The following PRPSAP2 variants were observed in gnomAD, a reference collection of about 807,000 sequenced individuals.
PRPSAP2 encodes the protein phosphoribosyl pyrophosphate synthase-associated protein 2.
A neutral mutation model predicts 40.6 loss-of-function variants in PRPSAP2; 24 were observed. The ratio of observed to expected loss-of-function variants is 0.59; its 90% CI spans 0.43 to 0.83. PRPSAP2 has a LOEUF of 0.83. Ranked by LOEUF, PRPSAP2 falls within the 40% of genes least tolerant of loss-of-function variation. The probability of loss-of-function intolerance (pLI) is 0.00; values close to 1 mark genes in which losing one functional copy is unlikely to be tolerated. For missense variants in PRPSAP2, 292 were observed against 465.6 expected, an observed-to-expected ratio of 0.63 and a Z score of 3.43; for synonymous variants, 149 against 164.7, an observed-to-expected ratio of 0.90 and a Z score of 0.73.
chr17:18,909,539 C>T lies in PRPSAP2; in HGVS notation c.585-1564C>T, dbSNP rs186660710. Among the ~76,000 whole-genome samples, 255 of 152,098 alleles carry T rather than the reference C, an allele frequency of 1.7e-3. 1 individual carries two copies. Among genetic ancestry groups the T allele is most frequent in the African/African-American group, 5.9e-3 (245 of 41,512 alleles). The stretch of plus-strand genomic sequence containing the variant: ...GATTACAGGCGTGAGCCACTGCGCC[C>T]GGCCTATGTGGCCTTTTTATAAAGA... On this transcript the variant is annotated intron_variant, in intron 8 of 11. Coordinates refer to ENST00000268835, the MANE Select transcript of PRPSAP2 (RefSeq NM_002767.4).
chr17:18,894,452 C>G (rs927794953), intron 8 of PRPSAP2, among the ~76,000 whole-genome samples: 7 of 150,642 alleles, frequency 4.6e-5, no homozygotes, highest in Non-Finnish European at 5.9e-5. Flanking sequence ...ATCCACCATG[C>G]CCGGCCCTCT....
At chr17:18,921,476 C>A (rs1357816677) in intron 9 of PRPSAP2, among the ~76,000 whole-genome samples, 1 of 152,152 alleles carries the variant, frequency 6.6e-6, no homozygotes, top group Non-Finnish European at 1.5e-5. Context: ...TGTTTTGTTA[C>A]ACTTTTTTGC....
At chr17:18,879,282 C>G (rs2038539198) in intron 6 of PRPSAP2, among the ~76,000 whole-genome samples, 1 of 147,362 alleles carries the variant, frequency 6.8e-6, no homozygotes, top group African/African-American at 2.5e-5. Context: ...TAGAATAAAC[C>G]TTTTTTTTTG....
At chr17:18,891,035 G>C (rs1335042483) in intron 8 of PRPSAP2, among the ~76,000 whole-genome samples, 1 of 152,108 alleles carries the variant, frequency 6.6e-6, no homozygotes, top group African/African-American at 2.4e-5. Flanking sequence ...CACTGGAGAG[G>C]GAAAGAACAA....
At chr17:18,905,525 C>T (rs1644990266) in intron 8 of PRPSAP2, among the ~76,000 whole-genome samples, 1 of 152,070 alleles carries the variant, frequency 6.6e-6, no homozygotes, top group South Asian at 2.1e-4. Flanking sequence ...CTATGTGATG[C>T]CAACTCTTTT....
chr17:18,891,995 T>TA (rs1398571425), intron 8 of PRPSAP2, among the ~76,000 whole-genome samples: 12 of 152,208 alleles, frequency 7.9e-5, no homozygotes, highest in African/African-American at 2.9e-4. Flanking sequence ...TAGCTGGAAT[T>TA]ACAGGTGCAT....
chr17:18,925,430 T>C (rs2041918406), intron 10 of PRPSAP2, among the ~76,000 whole-genome samples: 1 of 152,192 alleles, frequency 6.6e-6, no homozygotes, highest in African/African-American at 2.4e-5. Flanking sequence ...TTTCTTGTCT[T>C]TGATGTTTAT....
At chr17:18,906,323 C>G (rs2040581419) in intron 8 of PRPSAP2, among the ~76,000 whole-genome samples, 1 of 152,158 alleles carries the variant, frequency 6.6e-6, no homozygotes, top group African/African-American at 2.4e-5. Flanking sequence ...TCAAGTGATT[C>G]TCCCACCTCA....
At chr17:18,882,340 C>A (rs1371499945) in intron 6 of PRPSAP2, among the ~76,000 whole-genome samples, 1 of 151,740 alleles carries the variant, frequency 6.6e-6, no homozygotes, top group Non-Finnish European at 1.5e-5. Context: ...GATGAAACCC[C>A]TTCTCTACTA....
chr17:18,905,358 T>C (rs1038223330), intron 8 of PRPSAP2, among the ~76,000 whole-genome samples: 1 of 152,108 alleles, frequency 6.6e-6, no homozygotes, highest in Non-Finnish European at 1.5e-5. Flanking sequence ...CATTGTGCTT[T>C]GTAGAGGTTG....
At chr17:18,891,321 A>G (rs2039532905) in intron 8 of PRPSAP2, among the ~76,000 whole-genome samples, 1 of 152,220 alleles carries the variant, frequency 6.6e-6, no homozygotes, top group East Asian at 1.9e-4. Flanking sequence ...TAAATAAAAT[A>G]AATTGGCATT....
chr17:18,876,971 ATG>A (rs1461651214), intron 5 of PRPSAP2, among the ~76,000 whole-genome samples: 1 of 152,184 alleles, frequency 6.6e-6, no homozygotes, highest in Non-Finnish European at 1.5e-5. Flanking sequence ...GCCACCATCT[ATG>A]AAGCTGTGAA....
chr17:18,891,708 A>C (rs901278545), intron 8 of PRPSAP2, among the ~76,000 whole-genome samples: 1 of 152,210 alleles, frequency 6.6e-6, no homozygotes, highest in African/African-American at 2.4e-5. Flanking sequence ...CCAGAAGAAC[A>C]TCTAGTACCC....
intron 9 of PRPSAP2, among the ~76,000 whole-genome samples, chr17:18,913,700 A>G (rs1055943276): frequency 6.6e-6 from 1 of 150,908 alleles, no homozygotes; most frequent in Non-Finnish European, 1.5e-5. Flanking sequence ...AGCACTTGCC[A>G]CCGCACCTGG....
intron 9 of PRPSAP2, among the ~76,000 whole-genome samples, chr17:18,913,304 A>T (rs867589679): frequency 2.0e-5 from 3 of 152,088 alleles, no homozygotes; most frequent in South Asian, 2.1e-4. Flanking sequence ...CTGCACGGAC[A>T]CCACTGTGGT....
Position 18,874,212 on chromosome 17 carries a change from G to T in PRPSAP2, c.239+1563G>T, listed in dbSNP as rs2038106636. On this transcript the variant is annotated intron_variant, in intron 5 of 11. Transcript: ENST00000268835. ...ATAGAAGGTGAGCCTATCACACCTG[G>T]CCTTAAAGCCCCACTTTCCATTGTG... Among the ~76,000 whole-genome samples, 3 of 152,136 alleles carry T rather than the reference G, an allele frequency of 2.0e-5. No homozygotes were observed. The South Asian group carries it at 6.2e-4, about 32-fold the overall frequency.
At chr17:18,886,302 C>G (rs143663684) in intron 7 of PRPSAP2, among the ~76,000 whole-genome samples, 252 of 152,100 alleles carry the variant, frequency 1.7e-3, no homozygotes, top group African/African-American at 5.9e-3. Flanking sequence ...CTGCCAGAGT[C>G]AGAAGGAACA....
In PRPSAP2 at chr17:18,928,843, T is replaced by G; in HGVS notation, c.837T>G (p.Leu279=). 1 of 1,614,118 alleles carries G rather than the reference T, an allele frequency of 6.2e-7. No homozygotes were observed. Among genetic ancestry groups the G allele is most frequent in the Non-Finnish European group, 8.5e-7 (1 of 1,179,962 alleles). The part of the protein sequence containing the change: ...DDIIDDVDSF[L]AAAETLKERG... ...TCATTGATGATGTTGACAGCTTTCTTGCTGCAGCAGAGACCCTGAAGGAAA... is the reference window on the plus strand; with the variant it reads ...TCATTGATGATGTTGACAGCTTTCTGGCTGCAGCAGAGACCCTGAAGGAAA... The change falls in exon 11 of 12, where the codon CTT becomes CTG. Residue 279 remains leucine (L), a synonymous_variant. Coordinates refer to ENST00000268835, the MANE Select transcript of PRPSAP2 (RefSeq NM_002767.4).
At chr17:18,873,949 G>T (rs2038087777) in intron 5 of PRPSAP2, among the ~76,000 whole-genome samples, 1 of 151,478 alleles carries the variant, frequency 6.6e-6, no homozygotes, top group Admixed American at 6.6e-5. Context: ...CTGTTGTCCA[G>T]TCTGGAGTGC....
Sources: gnomAD v4.1 joint callset for allele counts (sites outside exome capture counted in the v4.1 genomes callset) on GRCh38, gnomAD v4.1.1 for gene constraint, MANE v1.5 for transcripts, NCBI Gene and HGNC (gene_info 2026-07-23, HGNC 2026-07-21) for gene names.